MMS22L: variants seen among roughly 807,000 people sequenced by gnomAD.
MMS22L encodes protein MMS22-like.
A neutral mutation model predicts 159.1 loss-of-function variants in MMS22L; 74 were observed. The ratio of observed to expected loss-of-function variants is 0.47; its 90% CI spans 0.39 to 0.56. The LOEUF is 0.56. Ranked by LOEUF, MMS22L falls within the 20% of genes least tolerant of loss-of-function variation. The pLI is 0.00. For synonymous variants in MMS22L, 517 were observed against 506.9 expected (o/e 1.02, Z -0.27); for missense variants, 1,351 against 1,422.1 (o/e 0.95, Z 0.80).
At chr6:97,179,664 T>C (rs1046035313) in intron 16 of MMS22L, 105 bp from the exon 17 acceptor site, 8 of 978,872 alleles carry the variant, frequency 8.2e-6, no homozygotes, top group Non-Finnish European at 1.1e-5. Flanking sequence ...CTCCTTGGCC[T>C]CATTGATTTT....
intron 14 of MMS22L, among the ~76,000 whole-genome samples, chr6:97,208,201 A>C (rs1451070380): frequency 6.6e-6 from 1 of 151,964 alleles, no homozygotes; most frequent in Non-Finnish European, 1.5e-5. Context: ...GTACTCTCCT[A>C]CCTTTATGTA....
At chr6:97,178,026 C>T (rs778055614) in intron 18 of MMS22L, among the ~76,000 whole-genome samples, 22 of 152,022 alleles carry the variant, frequency 1.4e-4, no homozygotes, top group Admixed American at 3.9e-4. Context: ...TACTATCATA[C>T]GAAGTAGATG....
chr6:97,254,919 TCAC>T (rs1471020661), intron 9 of MMS22L, among the ~76,000 whole-genome samples, 186 bp from the exon 10 acceptor site: 7 of 152,234 alleles, frequency 4.6e-5, no homozygotes, highest in South Asian at 2.1e-4. Flanking sequence ...ACCTTACAGG[TCAC>T]CACATCTTCC....
intron 10 of MMS22L, among the ~76,000 whole-genome samples, chr6:97,248,123 T>C (rs892936324): frequency 6.6e-6 from 1 of 152,192 alleles, no homozygotes; most frequent in Non-Finnish European, 1.5e-5. Flanking sequence ...CCTCCAAGAA[T>C]AGGTTACAAG....
At chr6:97,163,948 A>C (rs1172833047) in intron 21 of MMS22L, among the ~76,000 whole-genome samples, 1 of 152,044 alleles carries the variant, frequency 6.6e-6, no homozygotes, top group African/African-American at 2.4e-5. Flanking sequence ...GATTGCAGAG[A>C]GCTAAGGAGC....
intron 14 of MMS22L, among the ~76,000 whole-genome samples, chr6:97,220,560 G>A (rs1809522673): frequency 6.6e-6 from 1 of 151,962 alleles, no homozygotes; most frequent in Non-Finnish European, 1.5e-5. Flanking sequence ...TTGGAGGCAG[G>A]GTGATTAGGC....
intron 22 of MMS22L, among the ~76,000 whole-genome samples, chr6:97,159,868 G>A (rs1390784718): frequency 6.7e-6 from 1 of 149,754 alleles, no homozygotes; most frequent in East Asian, 2.0e-4. Flanking sequence ...AAAAGAATCT[G>A]ATATATAAAA....
intron 14 of MMS22L, among the ~76,000 whole-genome samples, chr6:97,210,079 A>G (rs1488921911): frequency 1.3e-5 from 2 of 151,958 alleles, no homozygotes; most frequent in African/African-American, 4.8e-5. Flanking sequence ...GATGAAAGAA[A>G]TAAAATATGG....
At chr6:97,167,079 T>C (rs1803029447) in intron 20 of MMS22L, among the ~76,000 whole-genome samples, 1 of 152,166 alleles carries the variant, frequency 6.6e-6, no homozygotes, top group African/African-American at 2.4e-5. Context: ...TAAGAAGCAC[T>C]TATCTTTAAC....
intron 10 of MMS22L, among the ~76,000 whole-genome samples, chr6:97,249,543 T>G (rs1332296555): frequency 6.6e-6 from 1 of 152,142 alleles, no homozygotes; most frequent in Non-Finnish European, 1.5e-5. Flanking sequence ...CTATCAATAC[T>G]GTATGTCTAC....
intron 2 of MMS22L, among the ~76,000 whole-genome samples, 157 bp downstream of exon 2, chr6:97,282,157 A>C (rs1317171423): frequency 6.6e-6 from 1 of 152,242 alleles, no homozygotes; most frequent in Non-Finnish European, 1.5e-5. Context: ...CCAAGAAGCC[A>C]GCAGAACTGA....
intron 22 of MMS22L, among the ~76,000 whole-genome samples, chr6:97,152,606 T>C (rs1801422400): frequency 6.6e-6 from 1 of 152,092 alleles, no homozygotes; most frequent in Non-Finnish European, 1.5e-5. Flanking sequence ...TCAGAAACTG[T>C]AACCCTAAAT....
intron 24 of MMS22L, among the ~76,000 whole-genome samples, chr6:97,147,463 T>G (rs1303078361): frequency 6.6e-6 from 1 of 152,240 alleles, no homozygotes; most frequent in Non-Finnish European, 1.5e-5. Context: ...ATACCTGTTC[T>G]GTTCAGAATC....
In MMS22L at chr6:97,145,067, A is replaced by ACACACACACACACACACACACACACAC. The variant is rs34588294; in HGVS notation, c.*1738_*1739insGTGTGTGTGTGTGTGTGTGTGTGTGTG. On this transcript the variant is annotated 3_prime_UTR_variant, in exon 25 of 25. Coordinates refer to ENST00000683635, the MANE Select transcript of MMS22L (RefSeq NM_001350599.2). ...ACACACACACACACACACACACACA[A>ACACACACACACACACACACACACACAC]AAACACATATACACATAAATAACCT... The ACACACACACACACACACACACACACAC allele has an allele frequency of 8.0e-6, 1 of 124,236 alleles. No individual in the cohort carries two copies. The highest frequency in any genetic ancestry group is 1.6e-5 in the Non-Finnish European group (1 of 61,582). The allele number at this position is 124,236 out of a possible 1,614,324, so 7.7% of individuals were successfully genotyped here.
At chr6:97,161,959 T>C in intron 22 of MMS22L, 43 bp downstream of exon 22, 1 of 1,579,506 alleles carries the variant, frequency 6.3e-7, no homozygotes, top group Non-Finnish European at 8.6e-7. Context: ...GTTTCTTAAC[T>C]TGTAAAAAGA....
At chr6:97,164,086 A>G (rs968763359) in intron 21 of MMS22L, among the ~76,000 whole-genome samples, 5 of 152,000 alleles carry the variant, frequency 3.3e-5, no homozygotes, top group African/African-American at 1.2e-4. Context: ...AAAAGACTAG[A>G]GATGCAGAAA....
chr6:97,178,891 C>T (rs1272877874), intron 17 of MMS22L, among the ~76,000 whole-genome samples: 7 of 151,988 alleles, frequency 4.6e-5, no homozygotes, highest in South Asian at 2.1e-4. Flanking sequence ...CAAACAATAG[C>T]TTTGGGAAAA....
chr6:97,173,967 A>G (rs1803837290), intron 18 of MMS22L, among the ~76,000 whole-genome samples: 1 of 117,734 alleles, frequency 8.5e-6, no homozygotes, highest in South Asian at 2.9e-4. Flanking sequence ...AGTTTAAGGA[A>G]AGTGGCCGGT....
intron 16 of MMS22L, among the ~76,000 whole-genome samples, chr6:97,181,215 T>C (rs544603734): frequency 5.3e-5 from 8 of 152,348 alleles, no homozygotes; most frequent in African/African-American, 1.9e-4. Flanking sequence ...TCTCTCACTC[T>C]ACAAGCAGTT....
Sources: gnomAD v4.1 joint callset for allele counts (sites outside exome capture counted in the v4.1 genomes callset) on GRCh38, gnomAD v4.1.1 for gene constraint, MANE v1.5 for transcripts, NCBI Gene and HGNC (gene_info 2026-07-23, HGNC 2026-07-21) for gene names.